The following FNTB variants were observed in gnomAD, a reference collection of about 807,000 sequenced individuals.
The protein encoded by FNTB is protein farnesyltransferase subunit beta.
A neutral mutation model predicts 59.4 loss-of-function variants in FNTB; 27 were observed. The observed-to-expected ratio is 0.45, with a 90% CI of 0.34 to 0.63. FNTB has a LOEUF of 0.63. Ranked by LOEUF, FNTB falls within the 20% of genes least tolerant of loss-of-function variation. The pLI is 0.02. For synonymous variants in FNTB, 230 were observed against 220.7 expected, an observed-to-expected ratio of 1.04 and a Z score of -0.37; for missense variants, 449 against 559.6, an observed-to-expected ratio of 0.80 and a Z score of 1.99.
At chr14:65,024,908 T>C (rs145398930) in intron 4 of FNTB, among the ~76,000 whole-genome samples, 229 of 152,334 alleles carry the variant, frequency 1.5e-3, no homozygotes, top group African/African-American at 5.1e-3. Flanking sequence ...CACAAGCCAC[T>C]ATGCCTGGCT....
Position 65,032,032 on chromosome 14 carries a change from T to C in FNTB, c.606-578T>C, listed in dbSNP as rs545333231. Among the ~76,000 whole-genome samples the C allele has an allele frequency of 6.8e-6, 1 of 146,448 alleles. No homozygotes were observed. The highest frequency in any genetic ancestry group is 2.6e-5 in the African/African-American group (1 of 38,030). ...TGTGTGTGTGTGTACTGGTGAGAGG[T>C]TTGAAATCAAGGCTCTTTTCTCCCT... On this transcript the variant is annotated intron_variant, in intron 6 of 11. Coordinates refer to ENST00000246166, the MANE Select transcript of FNTB (RefSeq NM_002028.4). The surrounding 1 kb of genome is among the most constrained non-coding windows in gnomAD (Gnocchi z 5.0).
At chr14:65,041,346 C>T (rs1212149438) in intron 8 of FNTB, among the ~76,000 whole-genome samples, 2 of 152,210 alleles carry the variant, frequency 1.3e-5, no homozygotes, top group African/African-American at 4.8e-5. Context: ...GTTGTTTAGG[C>T]AGAGCTGGCT....
intron 4 of FNTB, among the ~76,000 whole-genome samples, chr14:65,021,289 C>T (rs1199622724): frequency 1.3e-5 from 2 of 152,182 alleles, no homozygotes; most frequent in African/African-American, 4.8e-5. Flanking sequence ...TTGCCTTTAA[C>T]TTAAAAACCA....
intron 4 of FNTB, among the ~76,000 whole-genome samples, chr14:65,026,074 A>G (rs936679296): frequency 1.3e-5 from 2 of 152,200 alleles, no homozygotes; most frequent in African/African-American, 2.4e-5. Flanking sequence ...AGAGTAGGCT[A>G]TGTAGTCTTT....
At chr14:65,056,139 CA>C (rs2139683620) in intron 11 of FNTB, among the ~76,000 whole-genome samples, 1 of 152,284 alleles carries the variant, frequency 6.6e-6, no homozygotes, top group East Asian at 1.9e-4. Context: ...TGCATGTTTT[CA>C]AACTTTTTGT....
chr14:65,059,322 C>T (rs967468018), intron 11 of FNTB, among the ~76,000 whole-genome samples: 3 of 151,658 alleles, frequency 2.0e-5, no homozygotes, highest in Non-Finnish European at 2.9e-5. Flanking sequence ...ACCTGGCCCC[C>T]GCACTAGCCC....
intron 8 of FNTB, among the ~76,000 whole-genome samples, chr14:65,042,845 T>C (rs1047873679): frequency 6.6e-6 from 1 of 152,226 alleles, no homozygotes; most frequent in African/African-American, 2.4e-5. Context: ...GAGTAATGCT[T>C]AGCCCACTTC....
In FNTB at chr14:65,027,465, C is replaced by A; in HGVS notation, c.387C>A (p.Phe129Leu). The change falls in exon 5 of 12, where the codon TTC becomes TTA. Residue 129 changes from phenylalanine (F) to leucine (L), a missense_variant. By Grantham distance (22) the Phe-to-Leu change is conservative. This residue lies in a region of FNTB where 337 missense variants were observed against 479.1 expected (regional missense o/e 0.70). Transcript: ENST00000246166. This position sits in a 1 kb window ranked among gnomAD's most constrained non-coding sequence, Gnocchi z 5.7. ...GCTGTGTACCTAGTGTGTGTCAGTT[C>A]CTGGAGCTGTGTCAGAGCCCAGAAG... Reference protein sequence around the residue: ...PQIVATDVCQFLELCQSPEGG... With the variant: ...PQIVATDVCQLLELCQSPEGG... 6.2e-7 allele frequency: 1 copy of A among 1,614,132 alleles called. No homozygotes were observed. The highest frequency in any genetic ancestry group is 8.5e-7 in the Non-Finnish European group (1 of 1,180,014).
At chr14:65,026,919 C>A (rs1384177158) in intron 4 of FNTB, among the ~76,000 whole-genome samples, 3 of 151,852 alleles carry the variant, frequency 2.0e-5, no homozygotes, top group Non-Finnish European at 4.4e-5. Context: ...AAATCAGTGG[C>A]CCACAGAGGC....
chr14:65,028,187 T>C lies in FNTB; in HGVS notation c.605+406T>C, dbSNP rs144930670. Among the ~76,000 whole-genome samples the C allele has an allele frequency of 3.7e-3, 561 of 152,266 alleles. 6 individuals carry two copies. Among genetic ancestry groups the C allele is most frequent in the African/African-American group, 0.012 (515 of 41,546 alleles). ...TGAATTTGATGAAATCATGAGAATG[T>C]CTAATCCCTGAGGTCCTCCTGAGGC... On this transcript the variant is annotated intron_variant, in intron 6 of 11. Coordinates refer to ENST00000246166, the MANE Select transcript of FNTB (RefSeq NM_002028.4). The surrounding 1 kb of genome is among the most constrained non-coding windows in gnomAD (Gnocchi z 4.4).
At chr14:65,021,030 T>G (rs2061877172) in intron 4 of FNTB, among the ~76,000 whole-genome samples, 1 of 152,200 alleles carries the variant, frequency 6.6e-6, no homozygotes, top group Non-Finnish European at 1.5e-5. Flanking sequence ...GCACCCGGCC[T>G]AGCTTCCCTC....
intron 7 of FNTB, among the ~76,000 whole-genome samples, chr14:65,037,605 T>G (rs2062231929): frequency 6.7e-6 from 1 of 149,346 alleles, no homozygotes; most frequent in African/African-American, 2.4e-5. Context: ...TTTAAATTTT[T>G]GTAGAGACAA....
intron 2 of FNTB, among the ~76,000 whole-genome samples, chr14:65,005,456 T>TCTTTCTTC (rs1491569275): frequency 1.1e-5 from 1 of 91,024 alleles, no homozygotes; most frequent in East Asian, 3.6e-4. Flanking sequence ...TTCTTTTCTT[T>TCTTTCTTC]CTTTCTTTCT....
At chr14:65,006,309 A>G in intron 2 of FNTB, 1 of 1,613,046 alleles carries the variant, frequency 6.2e-7, no homozygotes, top group Non-Finnish European at 8.5e-7. Flanking sequence ...GAGGAAAAAT[A>G]TCAGCTTACT....
At chr14:65,005,849 C>T (rs913612816) in intron 2 of FNTB, among the ~76,000 whole-genome samples, 1 of 152,092 alleles carries the variant, frequency 6.6e-6, no homozygotes, top group Non-Finnish European at 1.5e-5. Context: ...CACTGTGTTG[C>T]TCAGGCTTGT....
chr14:65,059,865 T>C (rs1242282525), intron 11 of FNTB, among the ~76,000 whole-genome samples: 9 of 148,270 alleles, frequency 6.1e-5, no homozygotes, highest in Non-Finnish European at 1.2e-4. Context: ...AGACAGAGTC[T>C]CGCTGTTGCC....
intron 7 of FNTB, among the ~76,000 whole-genome samples, chr14:65,037,752 ATTTATTTATTTATTTATTTAT>A (rs2062242532): frequency 1.9e-5 from 2 of 103,956 alleles, no homozygotes; most frequent in South Asian, 2.9e-4. Flanking sequence ...TTATTTATTT[ATTTATTTATTTATTTATTTAT>A]TTATTTATTT....
chr14:65,051,513 AGGC>A (rs2062609864), intron 9 of FNTB, among the ~76,000 whole-genome samples: 1 of 151,862 alleles, frequency 6.6e-6, no homozygotes. Flanking sequence ...CGGGAGGCTG[AGGC>A]AGGACAATCG....
Position 65,015,555 on chromosome 14 carries a change from TAC to T in FNTB, c.283-68_283-67del, listed in dbSNP as rs767058408. On this transcript the variant is annotated intron_variant, in intron 3 of 11. Coordinates refer to ENST00000246166, the MANE Select transcript of FNTB (RefSeq NM_002028.4). ...GCCAGGCTGCTGGGAGTGAGACAGATACAGCCTTGGCAGCAGTGTCTTGGAGT... is the reference window on the plus strand; with the variant it reads ...GCCAGGCTGCTGGGAGTGAGACAGATAGCCTTGGCAGCAGTGTCTTGGAGT... 8 of 1,553,616 alleles carry T rather than the reference TAC, an allele frequency of 5.1e-6. No individual in the cohort carries two copies. The South Asian group carries it at 9.0e-5, about 17-fold the overall frequency.
Sources: gnomAD v4.1 joint callset for allele counts (sites outside exome capture counted in the v4.1 genomes callset) on GRCh38, gnomAD v4.1.1 for gene constraint, gnomAD v4.1.1 regional missense constraint, Gnocchi (gnomAD v3.1) non-coding constraint, MANE v1.5 for transcripts, NCBI Gene and HGNC (gene_info 2026-07-23, HGNC 2026-07-21) for gene names.